The following SAMMSON variants were observed in gnomAD, a reference collection of about 807,000 sequenced individuals.
SAMMSON encodes the protein long intergenic non-protein coding RNA 1212.
chr3:70,339,904 G>T (rs1374933021), intron 7 of SAMMSON, among the ~76,000 whole-genome samples: 1 of 152,128 alleles, frequency 6.6e-6, no homozygotes, highest in Non-Finnish European at 1.5e-5. Flanking sequence ...CCATTACTGG[G>T]TATATACCCA....
intron 4 of SAMMSON, among the ~76,000 whole-genome samples, chr3:70,198,136 A>G (rs1375652967): frequency 6.6e-6 from 1 of 152,204 alleles, no homozygotes; most frequent in Non-Finnish European, 1.5e-5. Context: ...TTCATGTGAT[A>G]TATTACCTAA....
chr3:70,181,711 G>C (rs1364639560), intron 4 of SAMMSON, among the ~76,000 whole-genome samples: 1 of 152,164 alleles, frequency 6.6e-6, no homozygotes, highest in African/African-American at 2.4e-5. Flanking sequence ...CAAGATTCCA[G>C]GGTAATTTCA....
intron 7 of SAMMSON, among the ~76,000 whole-genome samples, chr3:70,320,002 A>G (rs1012958305): frequency 6.6e-6 from 1 of 152,030 alleles, no homozygotes; most frequent in Non-Finnish European, 1.5e-5. Context: ...TGCATCCAAC[A>G]TGGTGTCCGA....
At chr3:70,303,294 A>G (rs930669894) in intron 7 of SAMMSON, among the ~76,000 whole-genome samples, 1 of 152,100 alleles carries the variant, frequency 6.6e-6, no homozygotes, top group Non-Finnish European at 1.5e-5. Context: ...GTGTAGCATT[A>G]TGGTGCTGGC....
At chr3:70,009,377 A>G (rs2107576179) in intron 1 of SAMMSON, 1 of 152,224 alleles carries the variant, frequency 6.6e-6, no homozygotes, top group Non-Finnish European at 1.5e-5. Flanking sequence ...GGAGGGGTGT[A>G]TGTGTTGAGG....
At chr3:70,152,552 C>A (rs2067575924) in intron 4 of SAMMSON, among the ~76,000 whole-genome samples, 1 of 151,938 alleles carries the variant, frequency 6.6e-6, no homozygotes, top group Non-Finnish European at 1.5e-5. Flanking sequence ...TCTGCAGACC[C>A]CAAGGTGCTT....
chr3:70,349,929 GT>G (rs200332026), intron 7 of SAMMSON, among the ~76,000 whole-genome samples: 4 of 151,328 alleles, frequency 2.6e-5, no homozygotes, highest in African/African-American at 7.3e-5. Flanking sequence ...TGTGAAGTAT[GT>G]TTTTTTTTGA....
intron 4 of SAMMSON, chr3:70,159,743 G>A (rs944668601): frequency 6.6e-6 from 1 of 151,944 alleles, no homozygotes; most frequent in Non-Finnish European, 1.5e-5. Flanking sequence ...ATTTTTAGTG[G>A]AGGCGGGGTT....
intron 7 of SAMMSON, among the ~76,000 whole-genome samples, chr3:70,335,063 G>GA (rs67923303): frequency 0.92 from 134,394 of 146,640 alleles, 61,547 homozygotes; most frequent in East Asian, 0.98. Flanking sequence ...CTGCTTTGGG[G>GA]AAAAAAAAAA....
downstream of SAMMSON, among the ~76,000 whole-genome samples, chr3:70,393,596 A>G (rs960691737): frequency 6.6e-6 from 1 of 152,166 alleles, no homozygotes; most frequent in East Asian, 1.9e-4. Context: ...AAGGTTTGTG[A>G]TAAAAGCTTC....
chr3:70,176,868 C>T (rs747772245), intron 4 of SAMMSON, among the ~76,000 whole-genome samples: 2 of 152,054 alleles, frequency 1.3e-5, no homozygotes, highest in Non-Finnish European at 2.9e-5. Context: ...TTGATAAGGG[C>T]TTAAATTTAA....
chr3:70,230,339 C>T (rs1226121388), intron 4 of SAMMSON, among the ~76,000 whole-genome samples: 1 of 152,108 alleles, frequency 6.6e-6, no homozygotes, highest in Non-Finnish European at 1.5e-5. Context: ...AATTTCACTG[C>T]ATAGCAATAG....
At chr3:70,098,128 G>T (rs1315777197) in intron 4 of SAMMSON, among the ~76,000 whole-genome samples, 1 of 152,118 alleles carries the variant, frequency 6.6e-6, no homozygotes, top group Non-Finnish European at 1.5e-5. Flanking sequence ...GATTTTTGGG[G>T]GATAGAGAAA....
chr3:70,344,106 C>T lies in SAMMSON; in HGVS notation n.740-10069C>T, dbSNP rs894437514. Among the ~76,000 whole-genome samples, 8 of 151,916 alleles carry T rather than the reference C, an allele frequency of 5.3e-5. No homozygotes were observed. The East Asian group carries it at 5.8e-4, about 11-fold the overall frequency. On this transcript the variant is annotated intron_variant and non_coding_transcript_variant, in intron 7 of 9. Coordinates refer to ENST00000642114, the Ensembl canonical transcript of SAMMSON. The stretch of plus-strand genomic sequence containing the variant: ...CAGGGAAATACTGGGTAGAAGAGAG[C>T]GATTAACCACCAAAGACCCCACCCT...
chr3:70,108,476 T>A (rs572840844), intron 4 of SAMMSON, among the ~76,000 whole-genome samples: 2 of 141,016 alleles, frequency 1.4e-5, no homozygotes, highest in East Asian at 2.5e-4. Context: ...GTTAGACTTG[T>A]TTTTCCCTAA....
At chr3:70,305,454 T>C (rs1319221352) in intron 7 of SAMMSON, among the ~76,000 whole-genome samples, 1 of 152,180 alleles carries the variant, frequency 6.6e-6, no homozygotes, top group Non-Finnish European at 1.5e-5. Context: ...AATATTTAAA[T>C]GAGATACAAA....
intron 4 of SAMMSON, among the ~76,000 whole-genome samples, chr3:70,180,004 A>G (rs956923872): frequency 4.1e-5 from 6 of 148,098 alleles, no homozygotes; most frequent in East Asian, 2.0e-4. Flanking sequence ...TGTGCTTCGT[A>G]TGTGTGTGTG....
At chr3:70,213,915 A>C (rs1287892308) in intron 4 of SAMMSON, among the ~76,000 whole-genome samples, 1 of 152,124 alleles carries the variant, frequency 6.6e-6, no homozygotes, top group Non-Finnish European at 1.5e-5. Context: ...AAAATTAGGA[A>C]GAGGAAGATT....
intron 4 of SAMMSON, among the ~76,000 whole-genome samples, chr3:70,119,478 T>C (rs1030851550): frequency 7.2e-5 from 11 of 152,146 alleles, no homozygotes; most frequent in Non-Finnish European, 1.2e-4. Context: ...AATTTTATAA[T>C]AAATATATAA....
Sources: gnomAD v4.1 joint callset for allele counts (sites outside exome capture counted in the v4.1 genomes callset) on GRCh38, gnomAD v4.1.1 for gene constraint, MANE v1.5 for transcripts, NCBI Gene and HGNC (gene_info 2026-07-23, HGNC 2026-07-21) for gene names.